Variants in TRIM37 observed in about 807,000 individuals in gnomAD.
The protein encoded by TRIM37 is tripartite motif containing 37, also known as E3 ubiquitin-protein ligase TRIM37.
Under a neutral mutation model 129.8 loss-of-function variants are expected in TRIM37, and 80 were observed. The ratio of observed to expected loss-of-function variants is 0.62; its 90% CI spans 0.51 to 0.74. The LOEUF (loss-of-function observed/expected upper bound fraction) is 0.74, where lower values mean the gene tolerates loss of function less well. TRIM37 is among the 30% of genes least tolerant of loss of function. The pLI, the probability that TRIM37 is intolerant of heterozygous loss-of-function variation, is 0.00. For synonymous variants in TRIM37, 389 were observed against 387.1 expected (o/e 1.00, Z -0.06); for missense variants, 1,054 against 1,176.5 (o/e 0.90, Z 1.52).
At chr17:58,974,505 G>T in the TRIM37 span, among the ~76,000 whole-genome samples, 111 of 152,204 alleles carry the variant, frequency 7.3e-4, no homozygotes, top group Non-Finnish European at 2.1e-4. Flanking sequence ...TAAGTTCAAA[G>T]AATTAAGCTA....
chr17:59,062,443 T>C (rs1286168234), intron 11 of TRIM37, 124 bp downstream of exon 11: 14 of 761,514 alleles, frequency 1.8e-5, no homozygotes, highest in Admixed American at 6.7e-5. Context: ...GAACAGGGAA[T>C]GCGGACAGCA....
At chr17:59,037,971 T>C (rs747420087) in intron 17 of TRIM37, among the ~76,000 whole-genome samples, 1 of 152,164 alleles carries the variant, frequency 6.6e-6, no homozygotes, top group African/African-American at 2.4e-5. Context: ...CCCTCATGAT[T>C]AGATTGTGTT....
At chr17:59,104,188 A>G (rs976800021) in intron 2 of TRIM37, 105 bp downstream of exon 2, 3 of 1,071,066 alleles carry the variant, frequency 2.8e-6, no homozygotes, top group Non-Finnish European at 2.8e-6. Context: ...AGTGCAAGCA[A>G]GCACTTTAGG....
At chr17:59,043,026 C>T (rs2039424773) in intron 16 of TRIM37, among the ~76,000 whole-genome samples, 1 of 152,094 alleles carries the variant, frequency 6.6e-6, no homozygotes, top group Non-Finnish European at 1.5e-5. Flanking sequence ...TAAAACACTA[C>T]ATTTTAACAT....
At chr17:59,030,272 A>AT (rs1228580729) in intron 18 of TRIM37, among the ~76,000 whole-genome samples, 1 of 152,070 alleles carries the variant, frequency 6.6e-6, no homozygotes, top group Admixed American at 6.5e-5. Context: ...TGGCCGGCTA[A>AT]TTTTTTGTAT....
chr17:58,991,188 A>G (rs1452321110), intron 24 of TRIM37, among the ~76,000 whole-genome samples: 8 of 151,470 alleles, frequency 5.3e-5, no homozygotes, highest in East Asian at 3.9e-4. Flanking sequence ...AAAAAAAAAA[A>G]AAAAAGAAAA....
At chr17:59,020,652 A>G (rs2036505366) in intron 19 of TRIM37, among the ~76,000 whole-genome samples, 1 of 152,192 alleles carries the variant, frequency 6.6e-6, no homozygotes, top group South Asian at 2.1e-4. Context: ...AATCTGATTA[A>G]AAATGGGTAA....
intron 2 of TRIM37, among the ~76,000 whole-genome samples, chr17:59,101,141 C>T (rs2045432201): frequency 6.6e-6 from 1 of 151,828 alleles, no homozygotes; most frequent in South Asian, 2.1e-4. Flanking sequence ...AGTAGGCAAG[C>T]AATCAATATT....
intron 24 of TRIM37, among the ~76,000 whole-genome samples, chr17:58,991,342 C>T (rs958166155): frequency 5.9e-5 from 9 of 151,876 alleles, no homozygotes; most frequent in African/African-American, 2.2e-4. Flanking sequence ...TTGAGACCAG[C>T]CTGGCCAACA....
At chr17:59,089,088 C>T (rs1481158565) in intron 3 of TRIM37, among the ~76,000 whole-genome samples, 1 of 151,690 alleles carries the variant, frequency 6.6e-6, no homozygotes, top group Non-Finnish European at 1.5e-5. Flanking sequence ...ATGATGAAAC[C>T]CTGTCTCTAT....
At chr17:59,003,997 T>C (rs2144615841) in intron 22 of TRIM37, among the ~76,000 whole-genome samples, 2 of 151,226 alleles carry the variant, frequency 1.3e-5, no homozygotes, top group African/African-American at 4.9e-5. Flanking sequence ...TTGTCCTAGC[T>C]ACTAGGGAGG....
At chr17:59,105,829 T>C (rs1309867168) in intron 1 of TRIM37, among the ~76,000 whole-genome samples, 1 of 152,238 alleles carries the variant, frequency 6.6e-6, no homozygotes, top group Admixed American at 6.5e-5. Flanking sequence ...AGGTTCAAAA[T>C]TTGATAATGA....
At chr17:59,030,018 C>A (rs1036613308) in intron 18 of TRIM37, among the ~76,000 whole-genome samples, 5 of 152,096 alleles carry the variant, frequency 3.3e-5, no homozygotes, top group Non-Finnish European at 7.4e-5. Context: ...TGGCTCTCTT[C>A]TTTTAAAATA....
chr17:59,009,631 A>T (rs2035008288), intron 22 of TRIM37, among the ~76,000 whole-genome samples: 1 of 151,956 alleles, frequency 6.6e-6, no homozygotes, highest in African/African-American at 2.4e-5. Flanking sequence ...TATTTAGTAA[A>T]GATGGGGTTT....
Position 59,062,568 on chromosome 17 carries a change from G to C in TRIM37, c.941C>G (p.Pro314Arg). The C allele has an allele frequency of 6.2e-7, 1 of 1,612,692 alleles. No individual in the cohort carries two copies. Among genetic ancestry groups the C allele is most frequent in the Non-Finnish European group, 8.5e-7 (1 of 1,178,812 alleles). The change falls in exon 11 of 24, where the codon CCA (proline) becomes CGA (arginine). Residue 314 changes from proline to arginine, a missense_variant and splice_region_variant. Coordinates refer to ENST00000262294, the MANE Select transcript of TRIM37 (RefSeq NM_015294.6). Reference protein sequence around the residue: ...SGLCWRLKVYPDGNGVVRGYY... With the variant: ...SGLCWRLKVYRDGNGVVRGYY... Reference sequence around the variant, plus strand: ...TTATTAGAAATATGAAAAACTTACTGGGTAAACTTTTAACCTCCAGCAAAG... The same window carrying C: ...TTATTAGAAATATGAAAAACTTACTCGGTAAACTTTTAACCTCCAGCAAAG...
intron 9 of TRIM37, among the ~76,000 whole-genome samples, chr17:59,065,808 G>T (rs2041876596): frequency 6.6e-6 from 1 of 152,190 alleles, no homozygotes; most frequent in Non-Finnish European, 1.5e-5. Flanking sequence ...CTATGATAGT[G>T]TCTAAAGAAA....
downstream of TRIM37, chr17:58,982,492 C>T: frequency 6.1e-6 from 1 of 163,300 alleles, no homozygotes; most frequent in Non-Finnish European, 1.3e-5. Context: ...TAAGAAGTGT[C>T]CCCCGCCTAA....
At chr17:59,026,086 A>C (rs967126688) in intron 19 of TRIM37, among the ~76,000 whole-genome samples, 3 of 152,178 alleles carry the variant, frequency 2.0e-5, no homozygotes. Flanking sequence ...TAAACAACAC[A>C]CACAAAGAGA....
At chr17:59,012,206 TCACTACCACCAGCAGCAGCAG>T in intron 22 of TRIM37, 101 bp downstream of exon 22, 1 of 395,916 alleles carries the variant, frequency 2.5e-6, no homozygotes, top group South Asian at 2.3e-5. Context: ...CCTATCCCTA[TCACTACCACCAGCAGCAGCAG>T]CACCACCACC....
Sources: gnomAD v4.1 joint callset for allele counts (sites outside exome capture counted in the v4.1 genomes callset) on GRCh38, gnomAD v4.1.1 for gene constraint, MANE v1.5 for transcripts, NCBI Gene and HGNC (gene_info 2026-07-23, HGNC 2026-07-21) for gene names.